The following PLPPR1 variants were observed in gnomAD, a reference collection of about 807,000 sequenced individuals.
PLPPR1 encodes the protein phospholipid phosphatase-related protein type 1.
In PLPPR1, 10 loss-of-function variants were observed where a neutral mutation model predicts 33.1. The ratio of observed to expected loss-of-function variants is 0.30; its 90% confidence interval spans 0.19 to 0.51. PLPPR1 has a LOEUF of 0.51. Ranked by LOEUF, PLPPR1 falls within the 20% of genes least tolerant of loss-of-function variation. The probability of loss-of-function intolerance (pLI) is 0.97; values close to 1 mark genes in which losing one functional copy is unlikely to be tolerated. For missense variants in PLPPR1, 304 were observed against 408.1 expected, an observed-to-expected ratio of 0.74 and a Z score of 2.20; for synonymous variants, 151 against 151.0, an observed-to-expected ratio of 1.00 and a Z score of 0.00.
At chr9:101,035,193 G>A (rs1049209594) in intron 1 of PLPPR1, among the ~76,000 whole-genome samples, 28 of 152,100 alleles carry the variant, frequency 1.8e-4, no homozygotes, top group African/African-American at 2.2e-4. Flanking sequence ...ACAACATTCC[G>A]TAGGAAATTA....
intron 1 of PLPPR1, among the ~76,000 whole-genome samples, chr9:101,049,912 G>A (rs1830198045): frequency 6.6e-6 from 1 of 151,670 alleles, no homozygotes; most frequent in South Asian, 2.1e-4. Flanking sequence ...GATCACCTGA[G>A]GTTAGGAGTT....
At chr9:101,154,588 T>G (rs894699620) in intron 1 of PLPPR1, among the ~76,000 whole-genome samples, 1 of 152,162 alleles carries the variant, frequency 6.6e-6, no homozygotes, top group African/African-American at 2.4e-5. Context: ...GAAATATCAT[T>G]TGACCCAGCC....
intron 1 of PLPPR1, among the ~76,000 whole-genome samples, chr9:101,034,445 C>T (rs927934846): frequency 3.9e-5 from 6 of 152,118 alleles, no homozygotes; most frequent in African/African-American, 1.4e-4. Flanking sequence ...GCTGATGAGC[C>T]TGACTTGTTT....
At chr9:101,097,676 G>GAGT (rs1475516652) in intron 1 of PLPPR1, among the ~76,000 whole-genome samples, 3 of 152,116 alleles carry the variant, frequency 2.0e-5, no homozygotes, top group African/African-American at 7.2e-5. Context: ...ATGCAGCAAC[G>GAGT]AGTGTCCAAG....
intron 1 of PLPPR1, among the ~76,000 whole-genome samples, chr9:101,076,753 T>C (rs182999589): frequency 9.1e-4 from 139 of 152,334 alleles, no homozygotes; most frequent in African/African-American, 3.1e-3. Context: ...ATCAGCTCAT[T>C]TTTGGTATTG....
At chr9:101,318,435 T>C (rs1372589521) in intron 7 of PLPPR1, among the ~76,000 whole-genome samples, 2 of 152,000 alleles carry the variant, frequency 1.3e-5, no homozygotes, top group Non-Finnish European at 2.9e-5. Context: ...AACCACCCTA[T>C]TGAATAGATA....
In PLPPR1 at chr9:101,149,687, GA is replaced by G. The variant is rs546139454; in HGVS notation, c.-45-35761del. Among the ~76,000 whole-genome samples, 10 of 152,240 alleles carry G rather than the reference GA, an allele frequency of 6.6e-5. No individual in the cohort carries two copies. In the South Asian group the frequency reaches 2.1e-3, roughly 32 times the overall value. ...TCTATATGTTGCTAGAAAGGAGTCA[GA>G]AGCCAATAGAAGTTTTTATTCTCCT... is the stretch of plus-strand genomic sequence containing the variant. On this transcript the variant is annotated intron_variant, in intron 1 of 7. Transcript: ENST00000374874.
intron 1 of PLPPR1, among the ~76,000 whole-genome samples, chr9:101,163,370 A>C (rs1825799124): frequency 6.6e-6 from 1 of 152,326 alleles, no homozygotes; most frequent in South Asian, 2.1e-4. Context: ...ACATCAAAAA[A>C]TTTACCCCTC....
At chr9:101,182,248 T>G (rs1328119811) in intron 1 of PLPPR1, among the ~76,000 whole-genome samples, 2 of 151,316 alleles carry the variant, frequency 1.3e-5, no homozygotes, top group African/African-American at 4.8e-5. Flanking sequence ...AAGAGGGGGA[T>G]GGATGGAGAA....
At chr9:101,071,406 TAAAC>T (rs936105962) in intron 1 of PLPPR1, among the ~76,000 whole-genome samples, 4 of 152,146 alleles carry the variant, frequency 2.6e-5, no homozygotes, top group African/African-American at 9.7e-5. Context: ...TCACATTCAT[TAAAC>T]AATGACCTAT....
At chr9:101,191,168 C>G (rs964820026) in intron 2 of PLPPR1, among the ~76,000 whole-genome samples, 2 of 152,144 alleles carry the variant, frequency 1.3e-5, no homozygotes, top group African/African-American at 4.8e-5. Flanking sequence ...CTTTACTGCT[C>G]TGGTTCTACC....
intron 1 of PLPPR1, among the ~76,000 whole-genome samples, chr9:101,049,565 C>T (rs10116092): frequency 0.021 from 3,226 of 152,198 alleles, 98 homozygotes; most frequent in East Asian, 0.14. Flanking sequence ...TATCAATATA[C>T]AGTTGAGAAA....
intron 1 of PLPPR1, among the ~76,000 whole-genome samples, chr9:101,110,604 A>T (rs1831044159): frequency 6.6e-6 from 1 of 152,178 alleles, no homozygotes; most frequent in South Asian, 2.1e-4. Context: ...ATCTAGTAAA[A>T]TTATCAAAAG....
intron 1 of PLPPR1, among the ~76,000 whole-genome samples, chr9:101,039,367 A>G (rs781693454): frequency 6.6e-6 from 1 of 152,148 alleles, no homozygotes; most frequent in Admixed American, 6.5e-5. Context: ...GAGATAAATA[A>G]ATTACTTGCC....
At chr9:101,103,189 G>A (rs896556268) in intron 1 of PLPPR1, among the ~76,000 whole-genome samples, 30 of 132,540 alleles carry the variant, frequency 2.3e-4, no homozygotes, top group African/African-American at 7.3e-4. Context: ...TGTTACCATT[G>A]CTTTTGGTGT....
At position 101,215,072 on chromosome 9, in the gene PLPPR1, T is replaced by C. The variant is rs567067998; in HGVS notation, c.63+29515T>C. ...AAAGAAAAAAGCTAAAGGGACCAGA[T>C]AAACTCTCCTGAAATTTTATGTTTG... On this transcript the variant is annotated intron_variant, in intron 2 of 7. Coordinates refer to ENST00000374874, the MANE Select transcript of PLPPR1 (RefSeq NM_207299.2). Among the ~76,000 whole-genome samples, 39 of 150,934 alleles carry C rather than the reference T, an allele frequency of 2.6e-4. No homozygotes were observed. The South Asian group carries it at 5.5e-3, about 21-fold the overall frequency.
chr9:101,075,622 C>T (rs1197908953), intron 1 of PLPPR1, among the ~76,000 whole-genome samples: 1 of 152,198 alleles, frequency 6.6e-6, no homozygotes. Context: ...GTTTCCTCCA[C>T]AGATTTATTT....
At chr9:101,270,510 TC>T (rs1828076403) in intron 3 of PLPPR1, among the ~76,000 whole-genome samples, 1 of 152,220 alleles carries the variant, frequency 6.6e-6, no homozygotes, top group South Asian at 2.1e-4. Flanking sequence ...TCATTGAACT[TC>T]CGTAGACACC....
intron 1 of PLPPR1, among the ~76,000 whole-genome samples, chr9:101,153,366 C>G (rs527957508): frequency 8.6e-4 from 131 of 152,218 alleles, no homozygotes; most frequent in African/African-American, 3.0e-3. Flanking sequence ...TCCTCTTTTC[C>G]TAATTGAATA....
Sources: gnomAD v4.1 joint callset for allele counts (sites outside exome capture counted in the v4.1 genomes callset) on GRCh38, gnomAD v4.1.1 for gene constraint, MANE v1.5 for transcripts, NCBI Gene and HGNC (gene_info 2026-07-23, HGNC 2026-07-21) for gene names.